PTGS2: variants seen among roughly 807,000 people sequenced by gnomAD.
The protein encoded by PTGS2 is prostaglandin G/H synthase 2.
PTGS2 carries 14 observed loss-of-function variants against 63.8 expected under a neutral mutation model. The ratio of observed to expected loss-of-function variants is 0.22; its 90% CI spans 0.14 to 0.34. The LOEUF (loss-of-function observed/expected upper bound fraction) is 0.34. Among genes scored for constraint, PTGS2 ranks in the 10% least tolerant of loss-of-function variants. The pLI, the probability that PTGS2 is intolerant of heterozygous loss-of-function variation, is 1.00. For synonymous variants in PTGS2, 271 were observed against 259.5 expected (o/e 1.04, Z -0.43); for missense variants, 533 against 738.5 (o/e 0.72, Z 3.23).
At chr1:186,677,348 T>C (rs4648274) in intron 5 of PTGS2, among the ~76,000 whole-genome samples, 2 of 152,106 alleles carry the variant, frequency 1.3e-5, no homozygotes, top group African/African-American at 4.8e-5. Flanking sequence ...GGACATAACA[T>C]TTTGCAGTAC....
chr1:186,676,793 A>G, intron 6 of PTGS2, 40 bp downstream of exon 6: 1 of 1,602,286 alleles, frequency 6.2e-7, no homozygotes, highest in South Asian at 1.1e-5. Flanking sequence ...TATGGGTATA[A>G]GCGGTAATAA....
rs947455089 is a variant in PTGS2 at position 186,677,644 on chromosome 1, C to T, written c.639+5G>A. 1 of 1,604,424 alleles carries T rather than the reference C, an allele frequency of 6.2e-7. No homozygotes were observed. The highest frequency in any genetic ancestry group is 8.5e-7 in the Non-Finnish European group (1 of 1,176,166). ...ACTAACTCTAAGATATTAACTCTATCTTACCCCATGGCCCAGCCCGTTGGT... is the reference window on the plus strand; with the variant it reads ...ACTAACTCTAAGATATTAACTCTATTTTACCCCATGGCCCAGCCCGTTGGT... On this transcript the variant is annotated splice_donor_5th_base_variant and intron_variant, in intron 5 of 9. Transcript: ENST00000367468.
chr1:186,678,191 A>G (rs1665814722), intron 4 of PTGS2, 70 bp downstream of exon 4: 4 of 1,067,704 alleles, frequency 3.7e-6, no homozygotes, highest in South Asian at 3.9e-5. Context: ...TCTAAGGTCA[A>G]TTTTTTTTTT....
At position 186,675,785 on chromosome 1, in the gene PTGS2, CT is replaced by C. The variant is rs3218626; in HGVS notation, c.1257+112del. 252 of 1,088,616 alleles carry C rather than the reference CT, an allele frequency of 2.3e-4. 4 individuals carry two copies. The East Asian group carries it at 4.3e-3, about 19-fold the overall frequency. 67.4% of individuals were successfully genotyped at this position (1,088,616 alleles called of 1,614,324 possible). A position where few individuals can be genotyped will look rare whatever the true frequency, so the allele number is the denominator to read the frequency against. ...TTCTTATATCAATAAAATAATTTTA[CT>C]AGCAATATAACTAACTACTCTTTTA... On this transcript the variant is annotated intron_variant, in intron 8 of 9. Transcript: ENST00000367468.
Position 186,679,152 on chromosome 1 carries a change from T to G in PTGS2, c.219A>C (p.Thr73=), listed in dbSNP as rs1558251030. Reference sequence around the variant, plus strand: ...TGAAGTGGGTAAGTATGTAGTGCACTGTGTTTGGAGTGGGTTTCAGAAATA... The same window carrying G: ...TGAAGTGGGTAAGTATGTAGTGCACGGTGTTTGGAGTGGGTTTCAGAAATA... ...IKLFLKPTPN[T]VHYILTHFKG... The change falls in exon 3 of 10, where the codon ACA becomes ACC. Residue 73 remains threonine, a synonymous_variant. Coordinates refer to ENST00000367468, the MANE Select transcript of PTGS2 (RefSeq NM_000963.4). 1 of 1,614,018 alleles carries G rather than the reference T, an allele frequency of 6.2e-7. No homozygotes were observed.
chr1:186,678,180 G>A (rs1665814550), intron 4 of PTGS2, 81 bp downstream of exon 4: 7 of 1,383,746 alleles, frequency 5.1e-6, no homozygotes, highest in Non-Finnish European at 6.8e-6. Flanking sequence ...ATAAATGGTA[G>A]TCTAAGGTCA....
At position 186,672,541 on chromosome 1, in the gene PTGS2, TA is replaced by T. The variant is rs1349965413; in HGVS notation, c.*1811del. Reference sequence around the variant, plus strand: ...AAAAAAAAATCAATGATTGTAGGCTTAAACACAGTTTATAACCATAGTGTCC... The same window carrying T: ...AAAAAAAAATCAATGATTGTAGGCTTAACACAGTTTATAACCATAGTGTCC... On this transcript the variant is annotated 3_prime_UTR_variant, in exon 10 of 10. Transcript: ENST00000367468. 1 of 152,574 alleles carries T rather than the reference TA, an allele frequency of 6.6e-6. No individual in the cohort carries two copies. The highest frequency in any genetic ancestry group is 2.4e-5 in the African/African-American group (1 of 41,464). 9.5% of individuals were successfully genotyped at this position (152,574 alleles called of 1,614,324 possible).
rs748480848 is a variant in PTGS2, at chr1:186,675,256, T to C, written c.1398A>G (p.Glu466=). Residue 466 remains glutamate (E), a synonymous_variant, in exon 9 of 10, where the codon GAA becomes GAG. Transcript: ENST00000367468. ...TTAGAAACTGTTTCTTACCTGTAAG[T>C]TCTTCAAATGATTCATAGGGCTTCA... ...FMLKPYESFE[E]LTGEKEMSAE... is the part of the protein sequence containing the mutation. 1.8e-5 allele frequency: 29 copies of C among 1,611,254 alleles called. 1 individual carries two copies. The highest frequency in any genetic ancestry group is 1.6e-4 in the South Asian group (14 of 90,196).
chr1:186,677,131 T>C (rs1180508108), intron 5 of PTGS2, among the ~76,000 whole-genome samples: 1 of 152,154 alleles, frequency 6.6e-6, no homozygotes, highest in East Asian at 1.9e-4. Flanking sequence ...ACGGAATTAA[T>C]ATACTATATT....
At chr1:186,674,988 C>A (rs180891120) in intron 9 of PTGS2, among the ~76,000 whole-genome samples, 28 of 152,258 alleles carry the variant, frequency 1.8e-4, no homozygotes. Flanking sequence ...ACCAGCCTGG[C>A]TAACACGGTG....
In PTGS2 at chr1:186,677,752, C is replaced by T; in HGVS notation, c.536G>A (p.Gly179Asp). ...AAAGAATGCAAACATCATGTTTGAG[C>T]CCTGGGGATCAGGGATGAACTTTCT... ...LRRKFIPDPQ[G>D]SNMMFAFFAQ... Residue 179 changes from glycine to aspartate, a missense_variant, in exon 5 of 10, where the codon GGC (glycine) becomes GAC (aspartate). Transcript: ENST00000367468. 6.2e-7 allele frequency: 1 copy of T among 1,613,876 alleles called. No individual in the cohort carries two copies. Among genetic ancestry groups the T allele is most frequent in the East Asian group, 2.2e-5 (1 of 44,854 alleles).
At position 186,672,364 on chromosome 1, in the gene PTGS2, C is replaced by T. The variant is rs1665703683; in HGVS notation, c.*1989G>A. On this transcript the variant is annotated 3_prime_UTR_variant, in exon 10 of 10. Transcript: ENST00000367468. Reference sequence around the variant, plus strand: ...TTTGTGGGCTAGCACATAGGCCTATCCTAAGGACAAACATTCAACCTTAAA... The same window carrying T: ...TTTGTGGGCTAGCACATAGGCCTATTCTAAGGACAAACATTCAACCTTAAA... 6.6e-6 allele frequency: 1 copy of T among 152,044 alleles called. No homozygotes were observed. Among genetic ancestry groups the T allele is most frequent in the African/African-American group, 2.4e-5 (1 of 41,416 alleles). The allele number at this position is 152,044 out of a possible 1,614,324, so 9.4% of individuals were successfully genotyped here.
At chr1:186,678,887 A>G (rs562343687) in intron 3 of PTGS2, among the ~76,000 whole-genome samples, 171 bp downstream of exon 3, 1 of 152,368 alleles carries the variant, frequency 6.6e-6, no homozygotes, top group South Asian at 2.1e-4. Flanking sequence ...TATAAACTGG[A>G]TGGGACTAAA....
At chr1:186,674,859 G>A in intron 9 of PTGS2, 97 bp from the exon 10 acceptor site, 1 of 1,362,120 alleles carries the variant, frequency 7.3e-7, no homozygotes, top group Non-Finnish European at 9.9e-7. Flanking sequence ...CAACTTCTCT[G>A]TTTCCATTTG....
In PTGS2 at chr1:186,677,733, T is replaced by C; in HGVS notation, c.555A>G (p.Ala185=). 1 of 1,614,042 alleles carries C rather than the reference T, an allele frequency of 6.2e-7. No individual in the cohort carries two copies. The highest frequency in any genetic ancestry group is 1.1e-5 in the South Asian group (1 of 91,062). The stretch of plus-strand genomic sequence containing the variant: ...GATGCGTGAAGTGCTGGGCAAAGAA[T>C]GCAAACATCATGTTTGAGCCCTGGG... ...PDPQGSNMMF[A]FFAQHFTHQF... is the part of the protein sequence containing the mutation. The change falls in exon 5 of 10, where the codon GCA becomes GCG. Residue 185 remains alanine (A), a synonymous_variant. Transcript: ENST00000367468.
In PTGS2 at chr1:186,674,517, G is replaced by C. The variant is rs1665745540; in HGVS notation, c.1651C>G (p.Gln551Glu). The change falls in exon 10 of 10, where the codon CAG becomes GAG. Residue 551 changes from glutamine (Q) to glutamate (E), a missense_variant. By Grantham distance (29) the Gln-to-Glu change is conservative. This residue lies in a region of PTGS2 where 219 missense variants were observed against 267.4 expected (regional missense o/e 0.82). Transcript: ENST00000367468. ...TTCACGTTATTGCAGATGAGAGACTGAATTGAGGCAGTGTTGATGATTTGA... is the reference window on the plus strand; with the variant it reads ...TTCACGTTATTGCAGATGAGAGACTCAATTGAGGCAGTGTTGATGATTTGA... ...GFQIINTASI[Q>E]SLICNNVKGC... The C allele has an allele frequency of 6.2e-7, 1 of 1,614,168 alleles. No individual in the cohort carries two copies. The highest frequency in any genetic ancestry group is 8.5e-7 in the Non-Finnish European group (1 of 1,180,032).
Position 186,674,607 on chromosome 1 carries a change from T to C in PTGS2, c.1561A>G (p.Met521Val). The C allele has an allele frequency of 6.2e-7, 1 of 1,614,200 alleles. No individual in the cohort carries two copies. Among genetic ancestry groups the C allele is most frequent in the Non-Finnish European group, 8.5e-7 (1 of 1,180,038 alleles). ...GCAGGAGAACATATAACATTACCCA[T>C]AAGTCCTTTCAAGGAGAATGGTGCT... is the stretch of plus-strand genomic sequence containing the variant. ...VGAPFSLKGL[M>V]GNVICSPAYW... is the part of the protein sequence containing the mutation. Residue 521 changes from methionine to valine, a missense_variant, in exon 10 of 10, where the codon ATG becomes GTG. Met to Val is a conservative substitution (Grantham distance 21). Transcript: ENST00000367468.
chr1:186,680,388 G>C lies in PTGS2; in HGVS notation c.-98C>G. On this transcript the variant is annotated 5_prime_UTR_variant, in exon 1 of 10. Coordinates refer to ENST00000367468, the MANE Select transcript of PTGS2 (RefSeq NM_000963.4). ...AGGCGCTGCTGAGGAGTTCCTGGAC[G>C]TGCTCCTGACGCTCACTGCAAGTCG... 1.2e-6 allele frequency: 1 copy of C among 853,226 alleles called. No individual in the cohort carries two copies. The highest frequency in any genetic ancestry group is 2.8e-5 in the East Asian group (1 of 35,122). The allele number at this position is 853,226 out of a possible 1,614,324, so 52.9% of individuals were successfully genotyped here.
Position 186,674,715 on chromosome 1 carries a change from C to T in PTGS2, c.1453G>A (p.Asp485Asn). The T allele has an allele frequency of 3.1e-6, 5 of 1,614,108 alleles. No homozygotes were observed. Among genetic ancestry groups the T allele is most frequent in the East Asian group, 2.2e-5 (1 of 44,882 alleles). Residue 485 changes from aspartate (D) to asparagine (N), a missense_variant, in exon 10 of 10, where the codon GAT (aspartate) becomes AAT (asparagine). Physicochemically the swap from Asp to Asn is conservative, Grantham distance 23 (BLOSUM62 1). Transcript: ENST00000367468. The stretch of plus-strand genomic sequence containing the variant: ...AGGGCAGGATACAGCTCCACAGCAT[C>T]GATGTCACCATAGAGTGCTTCCAAC... ...AELEALYGDI[D>N]AVELYPALLV...
Sources: gnomAD v4.1 joint callset for allele counts (sites outside exome capture counted in the v4.1 genomes callset) on GRCh38, gnomAD v4.1.1 for gene constraint, gnomAD v4.1.1 regional missense constraint, MANE v1.5 for transcripts, NCBI Gene and HGNC (gene_info 2026-07-23, HGNC 2026-07-21) for gene names.